The following THSD4 variants were observed in gnomAD, a reference collection of about 807,000 sequenced individuals.
The protein encoded by THSD4 is thrombospondin type-1 domain-containing protein 4.
Under a neutral mutation model 119.0 loss-of-function variants are expected in THSD4, and 69 were observed. That is an observed-to-expected ratio of 0.58 (90% CI 0.48 to 0.71). The LOEUF is 0.71. THSD4 is among the 30% of genes least tolerant of loss of function. THSD4 has a pLI of 0.00. For synonymous variants in THSD4, 524 were observed against 540.4 expected (o/e 0.97, Z 0.42); for missense variants, 1,393 against 1,391.1 (o/e 1.00, Z -0.02).
chr15:71,714,149 T>C (rs1220244782), intron 8 of THSD4, among the ~76,000 whole-genome samples: 5 of 152,176 alleles, frequency 3.3e-5, no homozygotes, highest in African/African-American at 1.2e-4. Context: ...TACTTAACCT[T>C]CCTGAACCTA....
At chr15:71,181,189 C>G (rs751302038) in intron 3 of THSD4, among the ~76,000 whole-genome samples, 1 of 152,070 alleles carries the variant, frequency 6.6e-6, no homozygotes, top group African/African-American at 2.4e-5. Context: ...TCAAGCCTTC[C>G]GTTTCTAATG....
At chr15:71,378,120 T>C (rs2046175090) in intron 6 of THSD4, among the ~76,000 whole-genome samples, 1 of 152,222 alleles carries the variant, frequency 6.6e-6, no homozygotes, top group African/African-American at 2.4e-5. Flanking sequence ...TGTAGATATC[T>C]TTATTTTGAT....
intron 7 of THSD4, among the ~76,000 whole-genome samples, chr15:71,429,344 G>T (rs956237175): frequency 1.3e-5 from 2 of 152,226 alleles, no homozygotes; most frequent in South Asian, 2.1e-4. Flanking sequence ...GACAAAGTCT[G>T]TTGGGCCCAC....
Position 71,728,661 on chromosome 15 carries a change from T to C in THSD4, c.1470T>C (p.Ile490=), listed in dbSNP as rs1252697556. 6.2e-7 allele frequency: 1 copy of C among 1,614,208 alleles called. No homozygotes were observed. The highest frequency in any genetic ancestry group is 8.5e-7 in the Non-Finnish European group (1 of 1,180,044). The change falls in exon 9 of 18, where the codon ATT becomes ATC. Residue 490 remains isoleucine, a synonymous_variant. Coordinates refer to ENST00000261862, the MANE Select transcript of THSD4 (RefSeq NM_024817.3). ...TCACCTACAAGCGTCCAAATGAGATTTCGAGCACTGCCGGAGAGTCCTTTT... is the reference window on the plus strand; with the variant it reads ...TCACCTACAAGCGTCCAAATGAGATCTCGAGCACTGCCGGAGAGTCCTTTT... The part of the protein sequence containing the change: ...TMFTYKRPNE[I]SSTAGESFLA...
At chr15:71,531,796 T>G (rs761224244) in intron 7 of THSD4, among the ~76,000 whole-genome samples, 3 of 152,202 alleles carry the variant, frequency 2.0e-5, no homozygotes, top group Non-Finnish European at 4.4e-5. Context: ...TCTGAGTTAG[T>G]CTCCCCGATA....
chr15:71,262,602 A>T (rs527848247), intron 6 of THSD4, among the ~76,000 whole-genome samples: 3 of 150,766 alleles, frequency 2.0e-5, no homozygotes. Context: ...GGGCAGCTTT[A>T]TGTTTGGGTA....
intron 3 of THSD4, among the ~76,000 whole-genome samples, chr15:71,172,702 T>TATATATATATATATATATATATATGTGAC (rs2043388227): frequency 4.9e-5 from 5 of 103,052 alleles, no homozygotes; most frequent in African/African-American, 2.0e-4. Flanking sequence ...TATATATATA[T>TATATATATATATATATATATATATGTGAC]ATATATATAT....
intron 6 of THSD4, among the ~76,000 whole-genome samples, chr15:71,266,970 A>T (rs1172125628): frequency 6.6e-6 from 1 of 152,154 alleles, no homozygotes; most frequent in African/African-American, 2.4e-5. Flanking sequence ...ATATGAAAAG[A>T]CCAAACCTAT....
intron 3 of THSD4, among the ~76,000 whole-genome samples, chr15:71,191,904 C>CTTTT (rs11452105): frequency 7.7e-5 from 11 of 142,444 alleles, no homozygotes; most frequent in Non-Finnish European, 1.3e-4. Context: ...TCTTCTTCTT[C>CTTTT]TTTTTTTTTT....
intron 6 of THSD4, among the ~76,000 whole-genome samples, chr15:71,287,345 A>G (rs1054378017): frequency 2.0e-5 from 3 of 152,218 alleles, no homozygotes; most frequent in African/African-American, 7.2e-5. Context: ...TGTCCAAGAA[A>G]AACTGAAAAT....
chr15:71,285,236 A>G (rs1432853053), intron 6 of THSD4, among the ~76,000 whole-genome samples: 1 of 152,190 alleles, frequency 6.6e-6, no homozygotes, highest in Non-Finnish European at 1.5e-5. Context: ...TATAAACAGA[A>G]CAAGCAAAGA....
Position 71,777,577 on chromosome 15 carries a change from T to TTTAAGCATC in THSD4, c.*204_*212dup, listed in dbSNP as rs1181976395. The stretch of plus-strand genomic sequence containing the variant: ...GATGTTTGAAAGCCACAGTCAGTCC[T>TTTAAGCATC]TTAAGCATCACCATGTACTGATGAT... On this transcript the variant is annotated 3_prime_UTR_variant, in exon 18 of 18. Coordinates refer to ENST00000261862, the MANE Select transcript of THSD4 (RefSeq NM_024817.3). 1 of 647,890 alleles carries TTTAAGCATC rather than the reference T, an allele frequency of 1.5e-6. No homozygotes were observed. The allele number at this position is 647,890 out of a possible 1,614,324, so 40.1% of individuals were successfully genotyped here. A position where few individuals can be genotyped will look rare whatever the true frequency, so the allele number is the denominator to read the frequency against.
intron 7 of THSD4, among the ~76,000 whole-genome samples, chr15:71,640,921 C>T (rs2050844820): frequency 6.6e-6 from 1 of 151,906 alleles, no homozygotes; most frequent in Non-Finnish European, 1.5e-5. Flanking sequence ...TTAATTAATC[C>T]TTCATTAATA....
intron 6 of THSD4, among the ~76,000 whole-genome samples, chr15:71,346,084 T>C (rs2045656661): frequency 2.6e-5 from 4 of 151,422 alleles, no homozygotes; most frequent in Admixed American, 2.6e-4. Context: ...AGAGTGGAAG[T>C]ATCTGATTCA....
chr15:71,611,741 T>C (rs757416340), intron 7 of THSD4, among the ~76,000 whole-genome samples: 3 of 152,202 alleles, frequency 2.0e-5, no homozygotes, highest in Non-Finnish European at 4.4e-5. Flanking sequence ...AGGAGGCTTT[T>C]TGTTTGCCAA....
chr15:71,406,548 C>T (rs948819534), intron 6 of THSD4, among the ~76,000 whole-genome samples: 2 of 152,048 alleles, frequency 1.3e-5, no homozygotes, highest in Admixed American at 6.6e-5. Flanking sequence ...TCTTCTGTCT[C>T]ATTGCTCCAT....
chr15:71,534,551 A>G (rs1028638212), intron 7 of THSD4, among the ~76,000 whole-genome samples: 1 of 152,110 alleles, frequency 6.6e-6, no homozygotes, highest in Non-Finnish European at 1.5e-5. Flanking sequence ...TTGTTTTGTT[A>G]CTATATTTTT....
At chr15:71,097,561 G>A (rs1476493806) in intron 1 of THSD4, among the ~76,000 whole-genome samples, 3 of 139,868 alleles carry the variant, frequency 2.1e-5, no homozygotes, top group Non-Finnish European at 4.6e-5. Flanking sequence ...GCAAGACTCT[G>A]TCTCGAAAAA....
chr15:71,489,713 G>A (rs1437124057), intron 7 of THSD4, among the ~76,000 whole-genome samples: 3 of 152,142 alleles, frequency 2.0e-5, no homozygotes. Flanking sequence ...AATAGAAGAT[G>A]GTGGGTTTTT....
Sources: gnomAD v4.1 joint callset for allele counts (sites outside exome capture counted in the v4.1 genomes callset) on GRCh38, gnomAD v4.1.1 for gene constraint, MANE v1.5 for transcripts, NCBI Gene and HGNC (gene_info 2026-07-23, HGNC 2026-07-21) for gene names.